FRMPD4: variants seen among roughly 807,000 people sequenced by gnomAD.
The protein encoded by FRMPD4 is FERM and PDZ domain-containing protein 4.
FRMPD4 carries 22 observed loss-of-function variants against 94.1 expected under a neutral mutation model. That is an observed-to-expected ratio of 0.23 (90% CI 0.17 to 0.33). The LOEUF is 0.33. Among genes scored for constraint, FRMPD4 ranks in the 10% least tolerant of loss-of-function variants. The probability of loss-of-function intolerance (pLI) is 1.00; values close to 1 mark genes in which losing one functional copy is unlikely to be tolerated. For missense variants in FRMPD4, 1,111 were observed against 1,339.9 expected (o/e 0.83, Z 2.67); for synonymous variants, 631 against 548.6 (o/e 1.15, Z -2.10).
chrX:11,979,294 A>G (rs1399512788), intron 3 of FRMPD4, among the ~76,000 whole-genome samples: 1 of 112,268 alleles, frequency 8.9e-6, no homozygotes, highest in Non-Finnish European at 1.9e-5. Context: ...ATCCAGGATG[A>G]TGTATCAAAT....
At chrX:12,283,259 A>G (rs1192698749) in intron 1 of FRMPD4, among the ~76,000 whole-genome samples, 1 of 113,322 alleles carries the variant, frequency 8.8e-6, no homozygotes, top group African/African-American at 3.2e-5. Context: ...AGAACAAAGT[A>G]GGCATACATG....
chrX:11,933,785 G>A (rs1186040054), intron 3 of FRMPD4, among the ~76,000 whole-genome samples: 1 of 111,970 alleles, frequency 8.9e-6, no homozygotes, highest in Non-Finnish European at 1.9e-5. Context: ...TCTCACTAGA[G>A]TAAATGTAGC....
intron 3 of FRMPD4, among the ~76,000 whole-genome samples, chrX:11,921,880 A>T: frequency 8.9e-6 from 1 of 112,217 alleles, no homozygotes; most frequent in Non-Finnish European, 1.9e-5. Context: ...TTACAGTATG[A>T]TGCAGGTTAG....
At chrX:11,958,925 A>C (rs1273212578) in intron 3 of FRMPD4, among the ~76,000 whole-genome samples, 1 of 112,015 alleles carries the variant, frequency 8.9e-6, no homozygotes, top group Non-Finnish European at 1.9e-5. Context: ...ATTTTCTACA[A>C]AAAGCCAACA....
intron 3 of FRMPD4, among the ~76,000 whole-genome samples, chrX:12,055,988 A>AT (rs1338713281): frequency 2.7e-5 from 3 of 111,203 alleles, no homozygotes; most frequent in Non-Finnish European, 3.8e-5. Flanking sequence ...CCTCCTCCTC[A>AT]TTTTTTCTCC....
At chrX:11,848,917 C>T (rs1051539028) in intron 1 of FRMPD4, among the ~76,000 whole-genome samples, 14 of 111,747 alleles carry the variant, frequency 1.3e-4, no homozygotes, top group African/African-American at 4.6e-4. Context: ...TGCCTGCTTT[C>T]ACTACTTCTA....
chrX:12,392,667 G>T (rs1162575184), intron 1 of FRMPD4, among the ~76,000 whole-genome samples: 14 of 100,301 alleles, frequency 1.4e-4, no homozygotes, highest in African/African-American at 5.2e-4. Flanking sequence ...AAGAAAAAAG[G>T]AGCCACATGT....
At chrX:12,548,979 A>G (rs932511121) in intron 2 of FRMPD4, among the ~76,000 whole-genome samples, 1 of 111,620 alleles carries the variant, frequency 9.0e-6, no homozygotes, top group East Asian at 2.8e-4. Context: ...GGAGAGTCAC[A>G]GTTTCTGAAG....
At chrX:12,387,294 C>T (rs188646524) in intron 1 of FRMPD4, among the ~76,000 whole-genome samples, 2 of 112,214 alleles carry the variant, frequency 1.8e-5, no homozygotes, top group East Asian at 2.8e-4. Context: ...GTTAAACTTG[C>T]GTTAACACCA....
intron 2 of FRMPD4, among the ~76,000 whole-genome samples, chrX:12,563,251 C>T (rs911463804): frequency 1.8e-5 from 2 of 109,885 alleles, no homozygotes; most frequent in African/African-American, 6.8e-5. Flanking sequence ...CACACACACA[C>T]ACACACACAC....
intron 3 of FRMPD4, among the ~76,000 whole-genome samples, chrX:11,953,082 T>G (rs775870407): frequency 7.2e-5 from 8 of 110,510 alleles, no homozygotes; most frequent in Non-Finnish European, 1.3e-4. Flanking sequence ...GTAGACCAAC[T>G]CAAACCTCTG....
chrX:11,965,043 T>A (rs1479197593), intron 3 of FRMPD4, among the ~76,000 whole-genome samples: 1 of 112,810 alleles, frequency 8.9e-6, no homozygotes, highest in East Asian at 2.8e-4. Context: ...ATTGTTGTGA[T>A]TACATTAGGC....
chrX:12,369,456 A>G (rs2056132247), intron 1 of FRMPD4, among the ~76,000 whole-genome samples: 1 of 111,905 alleles, frequency 8.9e-6, no homozygotes, highest in African/African-American at 3.2e-5. Flanking sequence ...CTGTTTCAAC[A>G]TTGGAGACAC....
At chrX:12,526,168 C>T (rs149410418) in intron 2 of FRMPD4, among the ~76,000 whole-genome samples, 1,211 of 112,300 alleles carry the variant, frequency 0.011, 9 homozygotes, top group Non-Finnish European at 0.016. Context: ...TTCCCACAAG[C>T]GTATAGCCAT....
chrX:12,167,289 T>G (rs763238427), intron 1 of FRMPD4, among the ~76,000 whole-genome samples: 25 of 112,318 alleles, frequency 2.2e-4, no homozygotes, highest in Admixed American at 2.0e-3. Context: ...CATCTTTGTT[T>G]CTGCCTTCAT....
At chrX:11,948,024 A>G (rs2054198933) in intron 3 of FRMPD4, among the ~76,000 whole-genome samples, 1 of 99,337 alleles carries the variant, frequency 1.0e-5, no homozygotes, top group Admixed American at 1.2e-4. Flanking sequence ...TGGGAGGTGG[A>G]GGTTGCAGTG....
chrX:12,281,826 T>C (rs2054530885), intron 1 of FRMPD4, among the ~76,000 whole-genome samples: 1 of 111,706 alleles, frequency 9.0e-6, no homozygotes, highest in African/African-American at 3.3e-5. Context: ...ATTGATGTAT[T>C]TTAGTTATTT....
In FRMPD4 at chrX:12,428,987, A is replaced by G. The variant is rs140891270; in HGVS notation, c.42-69693A>G. Among the ~76,000 whole-genome samples the G allele has an allele frequency of 2.7e-3, 294 of 110,529 alleles. 1 individual carries two copies. Among genetic ancestry groups the G allele is most frequent in the African/African-American group, 9.3e-3 (274 of 29,413 alleles). On this transcript the variant is annotated intron_variant, in intron 1 of 16. Transcript: ENST00000675598. ...ACTTCACTGTGGGATAACTGGGCAG[A>G]CAGCCAACCATTTCTTTGGAAGACC...
In FRMPD4 at chrX:12,410,801, C is replaced by G. The variant is rs780795859; in HGVS notation, c.42-87879C>G. 3.3e-4 allele frequency among the ~76,000 whole-genome samples: 37 copies of G among 111,642 alleles called. No homozygotes were observed. In the Middle Eastern group the frequency reaches 0.014, roughly 41 times the overall value. ...CCTTCCTTATTACCTTTATCAGACC[C>G]TCTTCATCTTATCACGGACTTAAAG... On this transcript the variant is annotated intron_variant, in intron 1 of 16. Coordinates refer to ENST00000675598, the MANE Select transcript of FRMPD4 (RefSeq NM_001368397.1).
Sources: gnomAD v4.1 joint callset for allele counts (sites outside exome capture counted in the v4.1 genomes callset) on GRCh38, gnomAD v4.1.1 for gene constraint, MANE v1.5 for transcripts, NCBI Gene and HGNC (gene_info 2026-07-23, HGNC 2026-07-21) for gene names.